ARID1B: variants seen among roughly 807,000 people sequenced by gnomAD.
ARID1B encodes AT-rich interactive domain-containing protein 1B.
A neutral mutation model predicts 212.3 loss-of-function variants in ARID1B; 30 were observed. The ratio of observed to expected loss-of-function variants is 0.14; its 90% confidence interval spans 0.11 to 0.19. The LOEUF is 0.19. Ranked by LOEUF, ARID1B falls within the 10% of genes least tolerant of loss-of-function variation. The pLI, the probability that ARID1B is intolerant of heterozygous loss-of-function variation, is 1.00. For missense variants in ARID1B, 2,891 were observed against 3,204.0 expected (o/e 0.90, Z 2.36); for synonymous variants, 1,402 against 1,301.7 (o/e 1.08, Z -1.66).
chr6:157,120,977 T>A (rs1368991783), intron 6 of ARID1B, among the ~76,000 whole-genome samples: 2 of 152,214 alleles, frequency 1.3e-5, no homozygotes, highest in Admixed American at 6.5e-5. Flanking sequence ...ATGGGTAGGA[T>A]GAATGGTGAC....
intron 4 of ARID1B, among the ~76,000 whole-genome samples, chr6:157,054,139 G>A (rs972530349): frequency 1.3e-5 from 2 of 152,030 alleles, no homozygotes; most frequent in East Asian, 1.9e-4. Flanking sequence ...CAGAAGAATC[G>A]CTTGAACCCG....
At chr6:157,157,670 C>G (rs566941916) in intron 8 of ARID1B, among the ~76,000 whole-genome samples, 2 of 152,298 alleles carry the variant, frequency 1.3e-5, no homozygotes, top group Admixed American at 6.5e-5. Context: ...GCTAAGATTC[C>G]TCTTAATCTT....
In ARID1B at chr6:157,208,576, G is replaced by GCCTGC. The variant is rs1219892298; in HGVS notation, c.*686_*690dup. 8.6e-6 allele frequency: 2 copies of GCCTGC among 232,880 alleles called. No individual in the cohort carries two copies. Among genetic ancestry groups the GCCTGC allele is most frequent in the Non-Finnish European group, 1.7e-5 (2 of 117,684 alleles). The allele number at this position is 232,880 out of a possible 1,614,324, so 14.4% of individuals were successfully genotyped here. A position where few individuals can be genotyped will look rare whatever the true frequency, so the allele number is the denominator to read the frequency against. On this transcript the variant is annotated 3_prime_UTR_variant, in exon 20 of 20. Coordinates refer to ENST00000636930, the MANE Select transcript of ARID1B (RefSeq NM_001374828.1). ...AACTGCTCCTCACCACTCCCGTCATGCCTGCTGTCGGCGTTTGACCTTCCA... is the reference window on the plus strand; with the variant it reads ...AACTGCTCCTCACCACTCCCGTCATGCCTGCCCTGCTGTCGGCGTTTGACCTTCCA...
intron 3 of ARID1B, among the ~76,000 whole-genome samples, chr6:156,923,857 G>A (rs1285867605): frequency 1.3e-5 from 2 of 151,794 alleles, no homozygotes; most frequent in Non-Finnish European, 1.5e-5. Flanking sequence ...ACAGGTGTGC[G>A]CCACCATGCC....
intron 4 of ARID1B, among the ~76,000 whole-genome samples, chr6:157,022,075 C>T (rs1198956560): frequency 6.6e-6 from 1 of 152,172 alleles, no homozygotes; most frequent in African/African-American, 2.4e-5. Context: ...GGTGGAAAAG[C>T]CAGGAACTAC....
At position 157,203,724 on chromosome 6, in the gene ARID1B, G is replaced by A. The variant is rs1794265316; in HGVS notation, c.5264-142G>A. The A allele has an allele frequency of 1.4e-5, 15 of 1,059,328 alleles. No individual in the cohort carries two copies. The highest frequency in any genetic ancestry group is 1.4e-4 in the South Asian group (9 of 65,980). 65.6% of individuals were successfully genotyped at this position (1,059,328 alleles called of 1,614,324 possible). A position where few individuals can be genotyped will look rare whatever the true frequency, so the allele number is the denominator to read the frequency against. On this transcript the variant is annotated intron_variant, in intron 18 of 19. Coordinates refer to ENST00000636930, the MANE Select transcript of ARID1B (RefSeq NM_001374828.1). This position sits in a 1 kb window ranked among gnomAD's most constrained non-coding sequence, Gnocchi z 4.4. ...TCCATTTAAAATCGGAAATGATCAC[G>A]CTTAACTGTCCTTGAGAGCATTTGT...
intron 4 of ARID1B, chr6:156,937,022 T>A (rs1424326204): frequency 6.6e-6 from 1 of 152,152 alleles, no homozygotes; most frequent in Non-Finnish European, 1.5e-5. Context: ...CCTTTTACTT[T>A]TATGTGAGAG....
intron 11 of ARID1B, among the ~76,000 whole-genome samples, chr6:157,179,369 A>T (rs550780195): frequency 6.6e-6 from 1 of 152,228 alleles, no homozygotes; most frequent in East Asian, 1.9e-4. Flanking sequence ...CTCTTTTCCT[A>T]GTCAAGTAGG....
At chr6:157,053,907 C>G (rs1157871344) in intron 4 of ARID1B, among the ~76,000 whole-genome samples, 1 of 151,784 alleles carries the variant, frequency 6.6e-6, no homozygotes, top group Non-Finnish European at 1.5e-5. Flanking sequence ...AACCCCGTCT[C>G]TACTAAAATA....
intron 2 of ARID1B, among the ~76,000 whole-genome samples, chr6:156,837,337 A>G (rs575670379): frequency 3.5e-4 from 53 of 152,326 alleles, no homozygotes; most frequent in African/African-American, 1.2e-3. Context: ...AGACATTGCT[A>G]CTTTCTAAGT....
At chr6:156,945,149 A>G (rs1248170980) in intron 4 of ARID1B, among the ~76,000 whole-genome samples, 4 of 122,698 alleles carry the variant, frequency 3.3e-5, no homozygotes, top group South Asian at 3.1e-4. Context: ...GTTAGCCAGG[A>G]TGGTCTTGAT....
At chr6:157,137,069 C>T (rs9480448) in intron 7 of ARID1B, among the ~76,000 whole-genome samples, 8,951 of 151,856 alleles carry the variant, frequency 0.059, 397 homozygotes, top group South Asian at 0.22. Context: ...TAGTCCCAGC[C>T]ACGCGGGAGG....
intron 4 of ARID1B, among the ~76,000 whole-genome samples, chr6:157,033,041 A>G (rs922865955): frequency 6.6e-6 from 1 of 152,346 alleles, no homozygotes; most frequent in East Asian, 1.9e-4. Context: ...CACTGTTACA[A>G]ACAACTCCAG....
chr6:157,208,655 C>T lies in ARID1B; in HGVS notation c.*764C>T, dbSNP rs1265133174. On this transcript the variant is annotated 3_prime_UTR_variant, in exon 20 of 20. Coordinates refer to ENST00000636930, the MANE Select transcript of ARID1B (RefSeq NM_001374828.1). ...CATTTTTTAAATATTTTTTTTACTG[C>T]CTATGGGCTGTGATGTATATAGAAG... 3.5e-5 allele frequency: 8 copies of T among 231,318 alleles called. No homozygotes were observed. The highest frequency in any genetic ancestry group is 1.8e-4 in the South Asian group (1 of 5,480). The allele number at this position is 231,318 out of a possible 1,614,324, so 14.3% of individuals were successfully genotyped here.
chr6:157,207,609 T>G lies in ARID1B; in HGVS notation c.6837T>G (p.Ile2279Met). 6.2e-7 allele frequency: 1 copy of G among 1,614,124 alleles called. No homozygotes were observed. The highest frequency in any genetic ancestry group is 8.5e-7 in the Non-Finnish European group (1 of 1,180,028). The change falls in exon 20 of 20, where the codon ATT becomes ATG. Residue 2279 changes from isoleucine (I) to methionine (M), a missense_variant. This residue lies in a region of ARID1B where 187 missense variants were observed against 306.5 expected (regional missense o/e 0.61). Coordinates refer to ENST00000636930, the MANE Select transcript of ARID1B (RefSeq NM_001374828.1). This position sits in a 1 kb window ranked among gnomAD's most constrained non-coding sequence, Gnocchi z 8.5. ...CCATAGCTGTGCAGAAAGGAAGCAT[T>G]GGAAACTTGATAAGCTTCCTAGAGG... is the stretch of plus-strand genomic sequence containing the variant. ...ARAIAVQKGSIGNLISFLEDG... is the reference protein window; with the variant it reads ...ARAIAVQKGSMGNLISFLEDG...
In ARID1B at chr6:157,210,658, A is replaced by G. The variant is rs1214693457; in HGVS notation, c.*2767A>G. ...AAAATTAGTCGGTTTTTTTTTTTCT[A>G]TGAGGCTTTTCAGAAATTTACAGGA... On this transcript the variant is annotated 3_prime_UTR_variant, in exon 20 of 20. Coordinates refer to ENST00000636930, the MANE Select transcript of ARID1B (RefSeq NM_001374828.1). 3.1e-5 allele frequency: 7 copies of G among 224,456 alleles called. No individual in the cohort carries two copies. Among genetic ancestry groups the G allele is most frequent in the East Asian group, 2.5e-4 (4 of 16,178 alleles). 13.9% of individuals were successfully genotyped at this position (224,456 alleles called of 1,614,324 possible). A position where few individuals can be genotyped will look rare whatever the true frequency, so the allele number is the denominator to read the frequency against.
At chr6:157,090,160 T>C (rs1785188973) in intron 5 of ARID1B, among the ~76,000 whole-genome samples, 1 of 151,846 alleles carries the variant, frequency 6.6e-6, no homozygotes, top group South Asian at 2.1e-4. Context: ...AAAAATTTTT[T>C]ATTTTATTGG....
intron 4 of ARID1B, among the ~76,000 whole-genome samples, chr6:157,032,912 T>C (rs1013954311): frequency 1.3e-5 from 2 of 152,162 alleles, no homozygotes; most frequent in African/African-American, 4.8e-5. Context: ...AATCTTTTCT[T>C]GTCTGCACAC....
chr6:156,942,924 A>T (rs1422564330), intron 4 of ARID1B: 1 of 152,266 alleles, frequency 6.6e-6, no homozygotes, highest in Non-Finnish European at 1.5e-5. Context: ...CATCTGTTTT[A>T]TATAACAAGG....
Sources: gnomAD v4.1 joint callset for allele counts (sites outside exome capture counted in the v4.1 genomes callset) on GRCh38, gnomAD v4.1.1 for gene constraint, gnomAD v4.1.1 regional missense constraint, Gnocchi (gnomAD v3.1) non-coding constraint, MANE v1.5 for transcripts, NCBI Gene and HGNC (gene_info 2026-07-23, HGNC 2026-07-21) for gene names.